Variants in ADAMTS18 observed in about 807,000 individuals in gnomAD.
ADAMTS18 encodes ADAM metallopeptidase with thrombospondin type 1 motif 18.
A neutral mutation model predicts 165.9 loss-of-function variants in ADAMTS18; 157 were observed. The ratio of observed to expected loss-of-function variants is 0.95; its 90% confidence interval spans 0.83 to 1.08. The LOEUF is 1.08. Ranked by LOEUF, ADAMTS18 falls within the 50% of genes least tolerant of loss-of-function variation. The probability of loss-of-function intolerance (pLI) is 0.00; values close to 1 mark genes in which losing one functional copy is unlikely to be tolerated. For missense variants in ADAMTS18, 2,040 were observed against 1,534.0 expected, an observed-to-expected ratio of 1.33 and a Z score of -5.51; for synonymous variants, 782 against 578.2, an observed-to-expected ratio of 1.35 and a Z score of -5.06.
At chr16:77,401,846 T>C (rs1353083778) in intron 3 of ADAMTS18, among the ~76,000 whole-genome samples, 1 of 152,200 alleles carries the variant, frequency 6.6e-6, no homozygotes, top group Non-Finnish European at 1.5e-5. Flanking sequence ...ATCCATCTTC[T>C]TCTGCCCTAG....
At chr16:77,347,594 T>C (rs561592049) in intron 10 of ADAMTS18, among the ~76,000 whole-genome samples, 1 of 152,326 alleles carries the variant, frequency 6.6e-6, no homozygotes, top group Admixed American at 6.5e-5. Flanking sequence ...ATTGACTATG[T>C]GTATGTCTCC....
intron 10 of ADAMTS18, among the ~76,000 whole-genome samples, chr16:77,345,114 C>T (rs543580881): frequency 3.9e-5 from 6 of 152,222 alleles, no homozygotes; most frequent in African/African-American, 1.4e-4. Flanking sequence ...CAATGCTATC[C>T]ATTATTCTGT....
intron 10 of ADAMTS18, among the ~76,000 whole-genome samples, chr16:77,344,850 A>G (rs2056452360): frequency 6.6e-6 from 1 of 152,158 alleles, no homozygotes; most frequent in African/African-American, 2.4e-5. Flanking sequence ...AGCCAACTAC[A>G]TACTCTGACG....
intron 3 of ADAMTS18, among the ~76,000 whole-genome samples, chr16:77,388,722 G>A (rs1443729987): frequency 6.6e-6 from 1 of 152,090 alleles, no homozygotes; most frequent in African/African-American, 2.4e-5. Flanking sequence ...TGAAAATACT[G>A]GGTTTCTTGA....
intron 7 of ADAMTS18, among the ~76,000 whole-genome samples, chr16:77,360,926 A>G (rs1448739984): frequency 2.0e-5 from 3 of 152,078 alleles, no homozygotes; most frequent in African/African-American, 7.2e-5. Context: ...TCTCTACTAA[A>G]AATACAAAAA....
At chr16:77,374,277 T>A (rs1371756311) in intron 3 of ADAMTS18, among the ~76,000 whole-genome samples, 1 of 151,410 alleles carries the variant, frequency 6.6e-6, no homozygotes, top group African/African-American at 2.4e-5. Flanking sequence ...GTGGAGGTGA[T>A]GCTGAAGGCA....
At chr16:77,411,030 G>T (rs117618795) in intron 3 of ADAMTS18, among the ~76,000 whole-genome samples, 1 of 152,076 alleles carries the variant, frequency 6.6e-6, no homozygotes, top group South Asian at 2.1e-4. Flanking sequence ...TCATTTTCCC[G>T]CAAATGCCAA....
chr16:77,342,467 T>G (rs1362064506), intron 10 of ADAMTS18, among the ~76,000 whole-genome samples: 2 of 152,062 alleles, frequency 1.3e-5, no homozygotes, highest in Non-Finnish European at 2.9e-5. Flanking sequence ...ATTGACTGAC[T>G]GACTGTAGAG....
chr16:77,433,739 A>T (rs2057765451), intron 2 of ADAMTS18, among the ~76,000 whole-genome samples: 1 of 152,230 alleles, frequency 6.6e-6, no homozygotes, highest in Admixed American at 6.5e-5. Flanking sequence ...GTCAGGAATC[A>T]GCTGTTCTCC....
intron 22 of ADAMTS18, among the ~76,000 whole-genome samples, chr16:77,286,070 C>G (rs1231791611): frequency 6.6e-6 from 1 of 152,166 alleles, no homozygotes; most frequent in Non-Finnish European, 1.5e-5. Flanking sequence ...TCCAGTCCCA[C>G]TTTTCATGTA....
intron 13 of ADAMTS18, among the ~76,000 whole-genome samples, chr16:77,324,890 G>A (rs1418070907): frequency 6.7e-6 from 1 of 149,042 alleles, no homozygotes; most frequent in Non-Finnish European, 1.5e-5. Flanking sequence ...GAATTGTCAT[G>A]TCTGTCTCTA....
intron 16 of ADAMTS18, among the ~76,000 whole-genome samples, chr16:77,309,217 GT>G (rs113727165): frequency 0.1 from 9,549 of 91,426 alleles, 609 homozygotes; most frequent in African/African-American, 0.22. Context: ...TAGCTGGCTA[GT>G]TTTTTTTTTT....
chr16:77,291,287 C>G lies in ADAMTS18; in HGVS notation c.3381G>C (p.Trp1127Cys). The change falls in exon 21 of 23, where the codon TGG becomes TGC. Residue 1127 changes from tryptophan to cysteine, a missense_variant. By Grantham distance (215) the Trp-to-Cys change is radical. Transcript: ENST00000282849. Reference sequence around the variant, plus strand: ...CCACCTGCTGCCACGGCAATGAATACCATCCAGCTACCATGTTGTACACTG... The same window carrying G: ...CCACCTGCTGCCACGGCAATGAATAGCATCCAGCTACCATGTTGTACACTG... ...AHPVYNMVAG[W>C]YSLPWQQCTV... 1 of 1,614,148 alleles carries G rather than the reference C, an allele frequency of 6.2e-7. No homozygotes were observed.
chr16:77,389,712 G>A (rs1208362929), intron 3 of ADAMTS18, among the ~76,000 whole-genome samples: 1 of 152,164 alleles, frequency 6.6e-6, no homozygotes, highest in Non-Finnish European at 1.5e-5. Flanking sequence ...CCTTAAAGAG[G>A]CTAAGGTTAG....
intron 17 of ADAMTS18, among the ~76,000 whole-genome samples, chr16:77,298,127 A>G (rs1480234240): frequency 6.6e-6 from 1 of 151,696 alleles, no homozygotes; most frequent in Non-Finnish European, 1.5e-5. Flanking sequence ...CATGTTAGTC[A>G]GGCTGGTCTT....
intron 3 of ADAMTS18, among the ~76,000 whole-genome samples, chr16:77,385,172 G>C (rs957403113): frequency 4.6e-5 from 7 of 152,104 alleles, no homozygotes; most frequent in South Asian, 2.1e-4. Flanking sequence ...GCCTCCCAAA[G>C]TGTTGGGATT....
At chr16:77,312,696 C>G (rs144975201) in intron 16 of ADAMTS18, among the ~76,000 whole-genome samples, 1 of 152,220 alleles carries the variant, frequency 6.6e-6, no homozygotes, top group East Asian at 1.9e-4. Context: ...TGAAAAAATG[C>G]TCATCATCAC....
intron 1 of ADAMTS18, 36 bp downstream of exon 1, chr16:77,434,570 C>T: frequency 6.5e-7 from 1 of 1,530,326 alleles, no homozygotes; most frequent in Non-Finnish European, 8.7e-7. Flanking sequence ...GCGCCCCCTG[C>T]CACCCGCTCT....
chr16:77,394,129 C>T (rs1414848274), intron 3 of ADAMTS18, among the ~76,000 whole-genome samples: 2 of 152,214 alleles, frequency 1.3e-5, no homozygotes, highest in South Asian at 2.1e-4. Flanking sequence ...TATCACTGCA[C>T]ATTAAAATGC....
Sources: allele counts gnomAD v4.1 joint callset (sites outside exome capture counted in the v4.1 genomes callset), GRCh38; gene constraint gnomAD v4.1.1; transcripts MANE v1.5; gene names NCBI Gene and HGNC (gene_info 2026-07-23, HGNC 2026-07-21).